EBF3: variants seen among roughly 807,000 people sequenced by gnomAD.
The protein encoded by EBF3 is EBF transcription factor 3, also known as transcription factor COE3.
Under a neutral mutation model 77.1 loss-of-function variants are expected in EBF3, and 18 were observed. The observed-to-expected ratio is 0.23, with a 90% CI of 0.16 to 0.35. EBF3 has a LOEUF of 0.35. Ranked by LOEUF, EBF3 falls within the 10% of genes least tolerant of loss-of-function variation. The probability of loss-of-function intolerance (pLI) is 1.00; values close to 1 mark genes in which losing one functional copy is unlikely to be tolerated. For missense variants in EBF3, 558 were observed against 860.0 expected (o/e 0.65, Z 4.39); for synonymous variants, 350 against 343.5 (o/e 1.02, Z -0.21).
At chr10:129,846,911 G>A (rs369557936) in intron 11 of EBF3, among the ~76,000 whole-genome samples, 1 of 152,028 alleles carries the variant, frequency 6.6e-6, no homozygotes, top group East Asian at 1.9e-4. Flanking sequence ...AAAGTCTTCT[G>A]TCCCCCGGGG....
At chr10:129,899,239 G>A (rs1854613444) in intron 6 of EBF3, among the ~76,000 whole-genome samples, 1 of 152,210 alleles carries the variant, frequency 6.6e-6, no homozygotes, top group Admixed American at 6.5e-5. Flanking sequence ...CATCAATAAG[G>A]TGACGGCACC....
Position 129,935,227 on chromosome 10 carries a change from C to T in EBF3, c.554+22031G>A, listed in dbSNP as rs188695590. Among the ~76,000 whole-genome samples the T allele has an allele frequency of 1.2e-4, 19 of 152,278 alleles. No homozygotes were observed. Among genetic ancestry groups the T allele is most frequent in the African/African-American group, 4.3e-4 (18 of 41,564 alleles). On this transcript the variant is annotated intron_variant, in intron 6 of 16. Coordinates refer to ENST00000440978, the MANE Select transcript of EBF3 (RefSeq NM_001375380.1). The surrounding 1 kb of genome is among the most constrained non-coding windows in gnomAD (Gnocchi z 4.2). ...AGGGGAGATTCTTGAAGGTCCCACT[C>T]GCACCTGTCACAGCAGCCACTGTGG...
In EBF3 at chr10:129,837,401, A is replaced by G. The variant is rs1849675082; in HGVS notation, c.*542T>C. 6.5e-6 allele frequency: 1 copy of G among 153,122 alleles called. No individual in the cohort carries two copies. Among genetic ancestry groups the G allele is most frequent in the Non-Finnish European group, 1.5e-5 (1 of 68,740 alleles). 9.5% of individuals were successfully genotyped at this position (153,122 alleles called of 1,614,324 possible). On this transcript the variant is annotated 3_prime_UTR_variant, in exon 17 of 17. Coordinates refer to ENST00000440978, the MANE Select transcript of EBF3 (RefSeq NM_001375380.1). ...CCTGCCACCCCAGTTTCTCCTCATC[A>G]TATAGTCATCCTTTTTTCCAGTCTG... is the stretch of plus-strand genomic sequence containing the variant.
At chr10:129,881,386 G>C (rs1354671369) in intron 6 of EBF3, among the ~76,000 whole-genome samples, 2 of 152,180 alleles carry the variant, frequency 1.3e-5, no homozygotes, top group South Asian at 2.1e-4. Context: ...TTTCACAGTA[G>C]GTACCAGAGT....
rs541013211 is a variant in EBF3 at position 129,864,003 on chromosome 10, CTGAGCT to C, written c.1039+3132_1039+3137del. On this transcript the variant is annotated intron_variant, in intron 10 of 16. Transcript: ENST00000440978. This position sits in a 1 kb window ranked among gnomAD's most constrained non-coding sequence, Gnocchi z 4.4. ...CCTGAAGCTTCGGGCAGCCAGGACC[CTGAGCT>C]TGTGCCTGAGAAGCCCAGTCAGCCC... 6.6e-6 allele frequency among the ~76,000 whole-genome samples: 1 copy of C among 152,266 alleles called. No individual in the cohort carries two copies. The highest frequency in any genetic ancestry group is 1.5e-5 in the Non-Finnish European group (1 of 68,010).
At chr10:129,922,737 G>A (rs1413269592) in intron 6 of EBF3, among the ~76,000 whole-genome samples, 1 of 152,216 alleles carries the variant, frequency 6.6e-6, no homozygotes, top group Non-Finnish European at 1.5e-5. Context: ...CCCGACTGCA[G>A]CCCTCCTGAC....
intron 6 of EBF3, among the ~76,000 whole-genome samples, chr10:129,917,241 C>A (rs546452441): frequency 6.6e-6 from 1 of 152,118 alleles, no homozygotes; most frequent in Admixed American, 6.5e-5. Context: ...TGGTGGCACA[C>A]GCCTGTAGTC....
chr10:129,843,032 GA>G, intron 12 of EBF3, 104 bp downstream of exon 12: 1 of 1,152,418 alleles, frequency 8.7e-7, no homozygotes, highest in Non-Finnish European at 1.3e-6. Flanking sequence ...GGAGTCGCTG[GA>G]AAAGCATGCT....
chr10:129,875,581 G>A (rs1216540759), intron 7 of EBF3, among the ~76,000 whole-genome samples: 1 of 152,178 alleles, frequency 6.6e-6, no homozygotes, highest in Non-Finnish European at 1.5e-5. Context: ...TGCCCTCATC[G>A]GGGGCAGCTT....
intron 6 of EBF3, among the ~76,000 whole-genome samples, chr10:129,950,185 TACA>T (rs942705931): frequency 2.6e-4 from 40 of 152,298 alleles, no homozygotes; most frequent in African/African-American, 7.7e-4. Context: ...CTCCATGTCC[TACA>T]ACAACACAAC....
intron 6 of EBF3, among the ~76,000 whole-genome samples, chr10:129,915,616 C>T (rs964850338): frequency 6.6e-6 from 1 of 152,140 alleles, no homozygotes; most frequent in East Asian, 1.9e-4. Flanking sequence ...CAATGCTGGG[C>T]GAGCACAGCC....
At chr10:129,893,625 G>T (rs938192139) in intron 6 of EBF3, among the ~76,000 whole-genome samples, 6 of 152,154 alleles carry the variant, frequency 3.9e-5, no homozygotes, top group Non-Finnish European at 7.4e-5. Context: ...ATTTCCCCTG[G>T]CATGGTAAAC....
chr10:129,841,557 T>C lies in EBF3; in HGVS notation c.1373-525A>G, dbSNP rs578012665. On this transcript the variant is annotated intron_variant, in intron 13 of 16. Coordinates refer to ENST00000440978, the MANE Select transcript of EBF3 (RefSeq NM_001375380.1). The surrounding 1 kb of genome is among the most constrained non-coding windows in gnomAD (Gnocchi z 4.6). ...GACGGGAACAAAATCAGCAATAGTA[T>C]GGGTGAGGTGTTTTCTAAGATCACT... Among the ~76,000 whole-genome samples, 1 of 152,300 alleles carries C rather than the reference T, an allele frequency of 6.6e-6. No individual in the cohort carries two copies. Among genetic ancestry groups the C allele is most frequent in the South Asian group, 2.1e-4 (1 of 4,818 alleles).
rs1348176278 is a variant in EBF3, at chr10:129,837,203, G to A, written c.*740C>T. 6.6e-6 allele frequency: 1 copy of A among 152,662 alleles called. No homozygotes were observed. Among genetic ancestry groups the A allele is most frequent in the Non-Finnish European group, 1.5e-5 (1 of 68,062 alleles). The allele number at this position is 152,662 out of a possible 1,614,324, so 9.5% of individuals were successfully genotyped here. ...GCAGATCACACTTGCTTAACAGGAA[G>A]CTCTAGCAGTGGGAGAATATTGGAA... is the stretch of plus-strand genomic sequence containing the variant. On this transcript the variant is annotated 3_prime_UTR_variant, in exon 17 of 17. Transcript: ENST00000440978.
intron 9 of EBF3, among the ~76,000 whole-genome samples, chr10:129,867,482 G>A (rs1341817759): frequency 1.3e-5 from 2 of 152,212 alleles, no homozygotes; most frequent in African/African-American, 4.8e-5. Flanking sequence ...AAAGGCCACA[G>A]GGCATCATTC....
Position 129,840,864 on chromosome 10 carries a change from G to A in EBF3, c.1541C>T (p.Ser514Phe). The change falls in exon 14 of 17, where the codon TCC becomes TTC. Residue 514 changes from serine to phenylalanine, a missense_variant. Ser to Phe is a radical substitution (Grantham distance 155). Transcript: ENST00000440978. The stretch of plus-strand genomic sequence containing the variant: ...CTTACTGCCGTAGGGAGAGTTAGCG[G>A]AGGAGCCATTAAGAAATCCAGGCGA... ...PGSPGFLNGS[S>F]ANSPYGIVPS... The A allele has an allele frequency of 6.2e-7, 1 of 1,613,744 alleles. No individual in the cohort carries two copies. The highest frequency in any genetic ancestry group is 8.5e-7 in the Non-Finnish European group (1 of 1,179,832).
chr10:129,962,791 G>A (rs922372392), intron 3 of EBF3, 151 bp downstream of exon 3: 14 of 871,886 alleles, frequency 1.6e-5, no homozygotes, highest in East Asian at 5.4e-5. Flanking sequence ...TCGACTTATT[G>A]ATCGTTTATG....
At chr10:129,839,005 G>A (rs775967687) in intron 16 of EBF3, 78 bp downstream of exon 16, 18 of 1,253,194 alleles carry the variant, frequency 1.4e-5, no homozygotes, top group Admixed American at 2.3e-5. Context: ...CAGGCCAGTC[G>A]GCGGCACTTC....
rs1420508459 is a variant in EBF3, at chr10:129,836,787, G to A, written c.*1156C>T. 1 of 152,512 alleles carries A rather than the reference G, an allele frequency of 6.6e-6. No homozygotes were observed. The highest frequency in any genetic ancestry group is 6.6e-5 in the Admixed American group (1 of 15,264). The allele number at this position is 152,512 out of a possible 1,614,324, so 9.4% of individuals were successfully genotyped here. A position where few individuals can be genotyped will look rare whatever the true frequency, so the allele number is the denominator to read the frequency against. ...GACAAGAAAGAAGAAAAAGGAAAAGGTGGGAAAAGCAATGTACAAAATTTC... is the reference window on the plus strand; with the variant it reads ...GACAAGAAAGAAGAAAAAGGAAAAGATGGGAAAAGCAATGTACAAAATTTC... On this transcript the variant is annotated 3_prime_UTR_variant, in exon 17 of 17. Coordinates refer to ENST00000440978, the MANE Select transcript of EBF3 (RefSeq NM_001375380.1).
Sources: gnomAD v4.1 joint callset for allele counts (sites outside exome capture counted in the v4.1 genomes callset) on GRCh38, gnomAD v4.1.1 for gene constraint, Gnocchi (gnomAD v3.1) non-coding constraint, MANE v1.5 for transcripts, NCBI Gene and HGNC (gene_info 2026-07-23, HGNC 2026-07-21) for gene names.